Variants in RASSF3 observed in about 807,000 individuals in gnomAD.
RASSF3 encodes the protein ras association domain-containing protein 3.
RASSF3 carries 19 observed loss-of-function variants against 19.9 expected under a neutral mutation model. That is an observed-to-expected ratio of 0.96 (90% CI 0.67 to 1.40). The LOEUF (loss-of-function observed/expected upper bound fraction) is 1.40. Ranked by LOEUF, RASSF3 falls within the 40% of genes most tolerant of loss-of-function variation. RASSF3 has a pLI of 0.00. For synonymous variants in RASSF3, 110 were observed against 104.2 expected (o/e 1.06, Z -0.34); for missense variants, 306 against 289.8 (o/e 1.06, Z -0.41).
exon 1 of RASSF3, chr12:64,507,301 A>G (rs1868297729): frequency 2.5e-6 from 1 of 398,544 alleles, no homozygotes; most frequent in Non-Finnish European, 4.4e-6. Flanking sequence ...AGAATCGGAA[A>G]TCCAAGCTGC....
At chr12:64,625,188 G>A (rs1870944188) in intron 1 of RASSF3, among the ~76,000 whole-genome samples, 1 of 152,048 alleles carries the variant, frequency 6.6e-6, no homozygotes, top group South Asian at 2.1e-4. Flanking sequence ...GATCAGGAAG[G>A]AGCTCCAGTC....
At chr12:64,618,388 G>A (rs1381521325) in intron 1 of RASSF3, among the ~76,000 whole-genome samples, 4 of 152,196 alleles carry the variant, frequency 2.6e-5, no homozygotes, top group Admixed American at 6.5e-5. Flanking sequence ...GTGCAGTGGC[G>A]TGATCTCGGC....
At chr12:64,651,034 G>T (rs1797688) in intron 1 of RASSF3, among the ~76,000 whole-genome samples, 47,113 of 151,902 alleles carry the variant, frequency 0.31, 7,518 homozygotes, top group Non-Finnish European at 0.36. Flanking sequence ...GTGTGTGCTT[G>T]GCTGCATTTG....
chr12:64,655,577 T>C (rs540382418), intron 1 of RASSF3, among the ~76,000 whole-genome samples: 1 of 152,038 alleles, frequency 6.6e-6, no homozygotes, highest in Admixed American at 6.6e-5. Context: ...CCTCCCAAAT[T>C]ATTGGGATTA....
intron 1 of RASSF3, among the ~76,000 whole-genome samples, chr12:64,538,648 C>G (rs1174103576): frequency 6.7e-6 from 1 of 149,480 alleles, no homozygotes; most frequent in Non-Finnish European, 1.5e-5. Flanking sequence ...GTAGAAAACA[C>G]ACAAAAAAAA....
chr12:64,689,791 C>CTTTTTTTTTTTTTTTTT (rs762822586), intron 3 of RASSF3, among the ~76,000 whole-genome samples: 3,362 of 96,308 alleles, frequency 0.035, 719 homozygotes, highest in Non-Finnish European at 0.051. Context: ...TTCGCTAATT[C>CTTTTTTTTTTTTTTTTT]TTTTTTTTTT....
chr12:64,647,087 T>C (rs1279005762), intron 1 of RASSF3, among the ~76,000 whole-genome samples: 4 of 152,156 alleles, frequency 2.6e-5, no homozygotes, highest in Non-Finnish European at 5.9e-5. Context: ...CCCTTTCTTA[T>C]GATTATTAAT....
intron 2 of RASSF3, among the ~76,000 whole-genome samples, chr12:64,582,948 C>T (rs894156443): frequency 7.2e-5 from 11 of 152,162 alleles, no homozygotes; most frequent in African/African-American, 2.7e-4. Context: ...ACACTACTTA[C>T]TCATTTTGAA....
chr12:64,577,049 T>C (rs1869607202), intron 2 of RASSF3, among the ~76,000 whole-genome samples: 1 of 152,170 alleles, frequency 6.6e-6, no homozygotes, highest in Non-Finnish European at 1.5e-5. Context: ...CTCAAAATGA[T>C]TCCCAAAATT....
intron 1 of RASSF3, chr12:64,655,153 T>C (rs977589533): frequency 2.0e-5 from 3 of 152,202 alleles, no homozygotes; most frequent in Admixed American, 2.0e-4. Context: ...TCTGTAGAAG[T>C]TTTAAATCCA....
At chr12:64,578,102 T>C (rs1001966831) in intron 2 of RASSF3, among the ~76,000 whole-genome samples, 11 of 151,594 alleles carry the variant, frequency 7.3e-5, no homozygotes, top group African/African-American at 2.4e-4. Flanking sequence ...GCCTGTAATC[T>C]GTCCCAGCTA....
intron 2 of RASSF3, among the ~76,000 whole-genome samples, chr12:64,604,356 G>A (rs543726829): frequency 6.6e-6 from 1 of 152,140 alleles, no homozygotes; most frequent in South Asian, 2.1e-4. Flanking sequence ...CAACTCCTGC[G>A]TTCAAGCTAT....
intron 1 of RASSF3, among the ~76,000 whole-genome samples, chr12:64,510,090 CA>C (rs67684990): frequency 0.15 from 16,244 of 107,080 alleles, 1,056 homozygotes; most frequent in East Asian, 0.4. Flanking sequence ...AACTCCATCT[CA>C]AAAAAAAAAA....
chr12:64,676,074 G>T (rs1383501480), intron 1 of RASSF3, among the ~76,000 whole-genome samples: 1 of 151,880 alleles, frequency 6.6e-6, no homozygotes, highest in Non-Finnish European at 1.5e-5. Flanking sequence ...TGAGAACACT[G>T]CAGCAAGCAG....
rs1870309760 is a variant in RASSF3, at chr12:64,610,577, C to A, written c.-56C>A. The stretch of plus-strand genomic sequence containing the variant: ...CGCGGGGCTGGCGGGCGCCGCACCC[C>A]CTCCCTGGCCGCCTGCGCCCCGGGG... On this transcript the variant is annotated 5_prime_UTR_variant, in exon 1 of 5. Transcript: ENST00000542104. 5 of 1,045,448 alleles carry A rather than the reference C, an allele frequency of 4.8e-6. No homozygotes were observed. The highest frequency in any genetic ancestry group is 2.5e-6 in the Non-Finnish European group (2 of 785,892). The allele number at this position is 1,045,448 out of a possible 1,614,324, so 64.8% of individuals were successfully genotyped here.
intron 1 of RASSF3, among the ~76,000 whole-genome samples, chr12:64,517,759 C>T (rs1405840403): frequency 1.3e-5 from 2 of 151,892 alleles, no homozygotes; most frequent in East Asian, 3.9e-4. Flanking sequence ...GCTAGGACTA[C>T]AGGCACACAC....
At chr12:64,543,376 G>C (rs1448571611), downstream of RASSF3, among the ~76,000 whole-genome samples, 1 of 149,476 alleles carries the variant, frequency 6.7e-6, no homozygotes, top group Non-Finnish European at 1.5e-5. Context: ...CCACGGGGCA[G>C]GGCTCGGGAC....
At chr12:64,660,040 A>ATGTGTGTATGTATATATATATATGTG (rs1872295962) in intron 1 of RASSF3, among the ~76,000 whole-genome samples, 1 of 121,484 alleles carries the variant, frequency 8.2e-6, no homozygotes, top group Non-Finnish European at 1.7e-5. Flanking sequence ...GTGTATATAT[A>ATGTGTGTATGTATATATATATATGTG]TGTGTGTGTA....
chr12:64,657,199 T>C (rs1716516), intron 1 of RASSF3, among the ~76,000 whole-genome samples: 1 of 151,762 alleles, frequency 6.6e-6, no homozygotes, highest in Non-Finnish European at 1.5e-5. Flanking sequence ...TTTAGTAGAG[T>C]TGGGGTTTCG....
Sources: allele counts gnomAD v4.1 joint callset (sites outside exome capture counted in the v4.1 genomes callset), GRCh38; gene constraint gnomAD v4.1.1; transcripts MANE v1.5; gene names NCBI Gene and HGNC (gene_info 2026-07-23, HGNC 2026-07-21).